The following VEZT variants were observed in gnomAD, a reference collection of about 807,000 sequenced individuals.
VEZT encodes the protein vezatin, adherens junctions transmembrane protein.
VEZT carries 39 observed loss-of-function variants against 79.9 expected under a neutral mutation model. The observed-to-expected ratio is 0.49, with a 90% CI of 0.38 to 0.64. The LOEUF is 0.64. Ranked by LOEUF, VEZT falls within the 30% of genes least tolerant of loss-of-function variation. VEZT has a pLI of 0.00. For missense variants in VEZT, 837 were observed against 893.1 expected (o/e 0.94, Z 0.80); for synonymous variants, 325 against 327.6 (o/e 0.99, Z 0.09).
chr12:95,287,979 CT>C lies in VEZT; in HGVS notation c.1522+130del, dbSNP rs1209150011. 114 of 823,306 alleles carry C rather than the reference CT, an allele frequency of 1.4e-4. 1 individual carries two copies. Among genetic ancestry groups the C allele is most frequent in the East Asian group, 4.7e-4 (16 of 33,858 alleles). The allele number at this position is 823,306 out of a possible 1,614,324, so 51.0% of individuals were successfully genotyped here. ...ACTAGCTTCAAAATTTCTTAGTTTA[CT>C]TTTTTTTAATGTTGAATTTATATGT... On this transcript the variant is annotated intron_variant, in intron 9 of 11. Coordinates refer to ENST00000436874, the MANE Select transcript of VEZT (RefSeq NM_017599.4).
At chr12:95,222,158 A>G (rs1037639923) in intron 1 of VEZT, among the ~76,000 whole-genome samples, 1 of 152,304 alleles carries the variant, frequency 6.6e-6, no homozygotes, top group East Asian at 1.9e-4. Context: ...GTGTCTTTCA[A>G]TGAACAGAAG....
At chr12:95,225,321 G>A (rs909073539) in intron 1 of VEZT, among the ~76,000 whole-genome samples, 4 of 152,046 alleles carry the variant, frequency 2.6e-5, no homozygotes, top group East Asian at 1.9e-4. Context: ...TTGGGAGTCC[G>A]AGGCGGGCGG....
At chr12:95,261,025 A>G (rs1006751749) in intron 3 of VEZT, among the ~76,000 whole-genome samples, 2 of 147,162 alleles carry the variant, frequency 1.4e-5, no homozygotes, top group Non-Finnish European at 1.5e-5. Flanking sequence ...AAAAAAAGCC[A>G]TATCAGGCTA....
chr12:95,252,113 C>T (rs2062702867), intron 2 of VEZT, 42 bp downstream of exon 2: 2 of 1,578,934 alleles, frequency 1.3e-6, no homozygotes, highest in East Asian at 4.5e-5. Flanking sequence ...ATCTTTTGCA[C>T]TTTACCTTAC....
chr12:95,240,406 G>C (rs1197820014), intron 1 of VEZT, among the ~76,000 whole-genome samples: 2 of 152,082 alleles, frequency 1.3e-5, no homozygotes, highest in African/African-American at 4.8e-5. Flanking sequence ...TGAGCATGAA[G>C]TTTATGTAGA....
intron 1 of VEZT, among the ~76,000 whole-genome samples, chr12:95,235,943 C>T (rs1370384474): frequency 6.6e-6 from 1 of 151,128 alleles, no homozygotes; most frequent in Non-Finnish European, 1.5e-5. Context: ...GATGGGATGG[C>T]GGCCGGGAAG....
chr12:95,279,066 G>A (rs150626515), intron 7 of VEZT, among the ~76,000 whole-genome samples: 100 of 152,286 alleles, frequency 6.6e-4, no homozygotes, highest in African/African-American at 2.3e-3. Context: ...GCGAAACTCC[G>A]TCTCAACATA....
At chr12:95,296,384 C>A (rs1206046800) in intron 11 of VEZT, 126 bp downstream of exon 11, 2 of 734,478 alleles carry the variant, frequency 2.7e-6, no homozygotes, top group Middle Eastern at 3.0e-4. Context: ...ATGCATAGTA[C>A]TTTTTCTTCT....
chr12:95,292,401 A>T (rs538169412), intron 9 of VEZT, among the ~76,000 whole-genome samples: 6 of 152,218 alleles, frequency 3.9e-5, no homozygotes, highest in African/African-American at 1.4e-4. Context: ...TGGTGTCACC[A>T]TTGATGTAAT....
At position 95,232,643 on chromosome 12, in the gene VEZT, T is replaced by C. The variant is rs74432792; in HGVS notation, c.36+14757T>C. 5.9e-3 allele frequency among the ~76,000 whole-genome samples: 899 copies of C among 152,302 alleles called. 12 individuals are homozygous for C. The highest frequency in any genetic ancestry group is 0.02 in the African/African-American group (851 of 41,544). ...CTTTTTGTGTTTAATATGGACTGCA[T>C]GGCCCAAATGACATCTGACATCTGA... On this transcript the variant is annotated intron_variant, in intron 1 of 11. Coordinates refer to ENST00000436874, the MANE Select transcript of VEZT (RefSeq NM_017599.4).
chr12:95,250,904 T>A (rs2062485185), intron 1 of VEZT, among the ~76,000 whole-genome samples: 1 of 152,208 alleles, frequency 6.6e-6, no homozygotes, highest in Non-Finnish European at 1.5e-5. Flanking sequence ...AACTAAGTGC[T>A]ATTACTGCTA....
At chr12:95,296,317 A>G (rs983363201) in intron 11 of VEZT, 59 bp downstream of exon 11, 1 of 1,471,028 alleles carries the variant, frequency 6.8e-7, no homozygotes, top group African/African-American at 1.4e-5. Context: ...TTCTTTCTTG[A>G]ACCATGAATG....
intron 2 of VEZT, among the ~76,000 whole-genome samples, chr12:95,253,513 G>A (rs2062954473): frequency 6.6e-6 from 1 of 152,146 alleles, no homozygotes; most frequent in Admixed American, 6.5e-5. Context: ...CCTGGGAAGT[G>A]GTTTGTATAT....
intron 1 of VEZT, among the ~76,000 whole-genome samples, chr12:95,229,215 C>T (rs1334811896): frequency 1.3e-5 from 2 of 152,112 alleles, no homozygotes; most frequent in African/African-American, 4.8e-5. Flanking sequence ...TATGTCTAAA[C>T]ATTCAAGAAA....
chr12:95,261,489 G>A (rs898422276), intron 3 of VEZT, among the ~76,000 whole-genome samples: 6 of 152,176 alleles, frequency 3.9e-5, no homozygotes, highest in Admixed American at 3.3e-4. Flanking sequence ...TCGGCTCACT[G>A]CAACCTCCGC....
At chr12:95,233,344 A>G (rs990278571) in intron 1 of VEZT, among the ~76,000 whole-genome samples, 1 of 152,016 alleles carries the variant, frequency 6.6e-6, no homozygotes, top group African/African-American at 2.4e-5. Flanking sequence ...CTTTCTCCAC[A>G]GAAGTACCAC....
chr12:95,220,171 C>G (rs1248571617), intron 1 of VEZT, among the ~76,000 whole-genome samples: 2 of 152,160 alleles, frequency 1.3e-5, no homozygotes, highest in African/African-American at 4.8e-5. Flanking sequence ...AGAAACGGGA[C>G]AGATGGGGCA....
chr12:95,287,624 A>G (rs910520101), intron 8 of VEZT, 40 bp from the exon 9 acceptor site: 4 of 1,427,748 alleles, frequency 2.8e-6, no homozygotes, highest in African/African-American at 1.5e-5. Context: ...TTTTCATTTC[A>G]TATTATAGAA....
At chr12:95,224,621 CACTG>C (rs2058144387) in intron 1 of VEZT, among the ~76,000 whole-genome samples, 1 of 152,190 alleles carries the variant, frequency 6.6e-6, no homozygotes, top group Admixed American at 6.5e-5. Context: ...GATCTCAGGC[CACTG>C]ACTGAGAAAG....
Sources: gnomAD v4.1 joint callset for allele counts (sites outside exome capture counted in the v4.1 genomes callset) on GRCh38, gnomAD v4.1.1 for gene constraint, MANE v1.5 for transcripts, NCBI Gene and HGNC (gene_info 2026-07-23, HGNC 2026-07-21) for gene names.